Variants in PLA2G4A observed in about 807,000 individuals in gnomAD.
The protein encoded by PLA2G4A is cytosolic phospholipase A2.
PLA2G4A carries 40 observed loss-of-function variants against 81.9 expected under a neutral mutation model. That is an observed-to-expected ratio of 0.49 (90% CI 0.38 to 0.64). The LOEUF is 0.64. Among genes scored for constraint, PLA2G4A ranks in the 30% least tolerant of loss-of-function variants. PLA2G4A has a pLI of 0.00. For synonymous variants in PLA2G4A, 302 were observed against 296.9 expected, an observed-to-expected ratio of 1.02 and a Z score of -0.18; for missense variants, 715 against 905.1, an observed-to-expected ratio of 0.79 and a Z score of 2.69.
rs777412965 is a variant in PLA2G4A, at chr1:186,964,576, C to T, written c.1580-833C>T. ...CTCCCAATCTTTAGGTGGCCTGTTCCGTATCATTATTCTTATTTCAGTGTA... is the reference window on the plus strand; with the variant it reads ...CTCCCAATCTTTAGGTGGCCTGTTCTGTATCATTATTCTTATTTCAGTGTA... On this transcript the variant is annotated intron_variant, in intron 14 of 17. Coordinates refer to ENST00000367466, the MANE Select transcript of PLA2G4A (RefSeq NM_024420.3). Among the ~76,000 whole-genome samples, 17 of 151,996 alleles carry T rather than the reference C, an allele frequency of 1.1e-4. No individual in the cohort carries two copies. In the East Asian group the frequency reaches 1.4e-3, roughly 12 times the overall value.
chr1:186,840,880 A>G (rs1651955514), intron 1 of PLA2G4A, among the ~76,000 whole-genome samples: 1 of 152,240 alleles, frequency 6.6e-6, no homozygotes, highest in Non-Finnish European at 1.5e-5. Context: ...ACCCTCAACA[A>G]AACACAAATA....
intron 7 of PLA2G4A, among the ~76,000 whole-genome samples, chr1:186,926,644 A>G (rs1655557905): frequency 6.6e-6 from 1 of 152,216 alleles, no homozygotes; most frequent in South Asian, 2.1e-4. Context: ...GAACAGTCCT[A>G]TTCATCTCAA....
chr1:186,852,281 C>T (rs77143326), intron 1 of PLA2G4A, among the ~76,000 whole-genome samples: 10 of 151,932 alleles, frequency 6.6e-5, no homozygotes, highest in East Asian at 1.9e-4. Context: ...AAGAAAGCAG[C>T]GGTTTTGCCA....
At position 186,843,724 on chromosome 1, in the gene PLA2G4A, C is replaced by T. The variant is rs900698009; in HGVS notation, c.-69-10562C>T. 9.0e-4 allele frequency among the ~76,000 whole-genome samples: 137 copies of T among 152,230 alleles called. 1 individual carries two copies. Among genetic ancestry groups the T allele is most frequent in the African/African-American group, 3.2e-3 (134 of 41,530 alleles). Reference sequence around the variant, plus strand: ...GGGTAAGGAAAGCACCAGTTGAGAGCCTGAGGAGGATGGAGTATCTCCAAC... The same window carrying T: ...GGGTAAGGAAAGCACCAGTTGAGAGTCTGAGGAGGATGGAGTATCTCCAAC... On this transcript the variant is annotated intron_variant, in intron 1 of 17. Transcript: ENST00000367466.
At chr1:186,857,322 TAATATA>T (rs1652616453) in intron 2 of PLA2G4A, among the ~76,000 whole-genome samples, 1 of 122,414 alleles carries the variant, frequency 8.2e-6, no homozygotes, top group Non-Finnish European at 1.6e-5. Flanking sequence ...ATATGTAATA[TAATATA>T]AATATAATAT....
chr1:186,983,589 C>T (rs17601344), intron 17 of PLA2G4A, among the ~76,000 whole-genome samples: 9,356 of 152,282 alleles, frequency 0.061, 377 homozygotes, highest in East Asian at 0.16. Flanking sequence ...GTCATGACAG[C>T]GGCCTGGGTT....
intron 7 of PLA2G4A, among the ~76,000 whole-genome samples, chr1:186,916,513 A>C (rs993567291): frequency 2.0e-5 from 3 of 152,156 alleles, no homozygotes; most frequent in Non-Finnish European, 4.4e-5. Flanking sequence ...TATTGCTATT[A>C]ATGATAGCAC....
intron 14 of PLA2G4A, among the ~76,000 whole-genome samples, chr1:186,956,894 A>G (rs1656773718): frequency 6.6e-6 from 1 of 151,978 alleles, no homozygotes; most frequent in Non-Finnish European, 1.5e-5. Flanking sequence ...CATTAATAAT[A>G]TTGAGGAGGA....
At chr1:186,870,623 AT>A (rs1653226432) in intron 3 of PLA2G4A, 107 bp downstream of exon 3, 1 of 1,169,974 alleles carries the variant, frequency 8.5e-7, no homozygotes, top group African/African-American at 1.5e-5. Context: ...AAATGTGGTT[AT>A]GTTTGTCTAG....
chr1:186,977,297 A>AT (rs889503795), intron 15 of PLA2G4A, among the ~76,000 whole-genome samples: 3 of 152,130 alleles, frequency 2.0e-5, no homozygotes, highest in Admixed American at 2.0e-4. Context: ...TGAACCCATA[A>AT]TTTTTTTTCT....
chr1:186,983,887 G>A (rs1657808528), intron 17 of PLA2G4A, among the ~76,000 whole-genome samples: 1 of 152,094 alleles, frequency 6.6e-6, no homozygotes, highest in African/African-American at 2.4e-5. Flanking sequence ...TTCCTATTTT[G>A]TAAAGGGAAA....
chr1:186,942,891 TG>T (rs1656204317), intron 10 of PLA2G4A, among the ~76,000 whole-genome samples: 1 of 152,160 alleles, frequency 6.6e-6, no homozygotes, highest in African/African-American at 2.4e-5. Flanking sequence ...CGGGTTGAGC[TG>T]TGTCTTCCAA....
At chr1:186,852,324 T>C (rs577877429) in intron 1 of PLA2G4A, among the ~76,000 whole-genome samples, 2 of 152,104 alleles carry the variant, frequency 1.3e-5, no homozygotes, top group African/African-American at 4.8e-5. Context: ...AAGACTCCAC[T>C]GGAAAGATGA....
Position 186,988,607 on chromosome 1 carries a change from A to T in PLA2G4A, c.*99A>T. The T allele has an allele frequency of 2.9e-6, 3 of 1,028,146 alleles. No homozygotes were observed. Among genetic ancestry groups the T allele is most frequent in the Non-Finnish European group, 4.6e-6 (3 of 657,992 alleles). 63.7% of individuals were successfully genotyped at this position (1,028,146 alleles called of 1,614,324 possible). A position where few individuals can be genotyped will look rare whatever the true frequency, so the allele number is the denominator to read the frequency against. On this transcript the variant is annotated 3_prime_UTR_variant, in exon 18 of 18. Transcript: ENST00000367466. ...TACAGTACAGATAGTCGTACTGATC[A>T]TGAGAGACTGGCTGATACTCAAAGT...
intron 10 of PLA2G4A, among the ~76,000 whole-genome samples, chr1:186,945,355 G>A (rs1355506234): frequency 6.6e-6 from 1 of 152,124 alleles, no homozygotes; most frequent in African/African-American, 2.4e-5. Flanking sequence ...AGGCCAGGAC[G>A]GAAACTTGTC....
intron 15 of PLA2G4A, among the ~76,000 whole-genome samples, chr1:186,966,187 T>G (rs1657124241): frequency 6.7e-6 from 1 of 149,750 alleles, no homozygotes; most frequent in Admixed American, 6.7e-5. Context: ...ACTGTATCTG[T>G]AAGAGGATGT....
At chr1:186,897,668 C>A (rs577398555) in intron 5 of PLA2G4A, among the ~76,000 whole-genome samples, 3 of 152,030 alleles carry the variant, frequency 2.0e-5, no homozygotes, top group Non-Finnish European at 2.9e-5. Context: ...GCCATCATGC[C>A]TGGCCAATTT....
rs1409176742 is a variant in PLA2G4A at position 186,894,126 on chromosome 1, T to C, written c.293T>C (p.Met98Thr). 6.9e-7 allele frequency: 1 copy of C among 1,455,712 alleles called. No homozygotes were observed. Among genetic ancestry groups the C allele is most frequent in the Non-Finnish European group, 9.7e-7 (1 of 1,035,448 alleles). 90.2% of individuals were successfully genotyped at this position (1,455,712 alleles called of 1,614,324 possible). Residue 98 changes from methionine (M) to threonine (T), a missense_variant, in exon 5 of 18, where the codon ATG (methionine) becomes ACG (threonine). By Grantham distance (81) the Met-to-Thr change is moderately conservative. Transcript: ENST00000367466. Reference protein sequence around the residue: ...EITLMDANYVMDETLGTATFT... With the variant: ...EITLMDANYVTDETLGTATFT... The stretch of plus-strand genomic sequence containing the variant: ...ACGTTAATGGATGCCAATTATGTCA[T>C]GGATGAAACTCTAGGGACAGCAACA...
chr1:186,911,871 T>C (rs1256929785), intron 7 of PLA2G4A, among the ~76,000 whole-genome samples: 1 of 152,058 alleles, frequency 6.6e-6, no homozygotes, highest in Non-Finnish European at 1.5e-5. Context: ...TGCAATTTAG[T>C]CCAAGACAAA....
Sources: allele counts gnomAD v4.1 joint callset (sites outside exome capture counted in the v4.1 genomes callset), GRCh38; gene constraint gnomAD v4.1.1; transcripts MANE v1.5; gene names NCBI Gene and HGNC (gene_info 2026-07-23, HGNC 2026-07-21).